Variants in GPC6 observed in about 807,000 individuals in gnomAD.
GPC6 encodes the protein glypican-6.
A neutral mutation model predicts 55.2 loss-of-function variants in GPC6; 14 were observed. The observed-to-expected ratio is 0.25, with a 90% CI of 0.17 to 0.40. GPC6 has a LOEUF of 0.40. GPC6 is among the 10% of genes least tolerant of loss of function. The probability of loss-of-function intolerance (pLI) is 1.00; values close to 1 mark genes in which losing one functional copy is unlikely to be tolerated. For synonymous variants in GPC6, 278 were observed against 259.6 expected, an observed-to-expected ratio of 1.07 and a Z score of -0.68; for missense variants, 641 against 708.5, an observed-to-expected ratio of 0.90 and a Z score of 1.08.
chr13:93,961,419 T>C (rs1431448941), intron 3 of GPC6, among the ~76,000 whole-genome samples: 3 of 152,230 alleles, frequency 2.0e-5, no homozygotes, highest in Non-Finnish European at 4.4e-5. Flanking sequence ...AATATGGCTT[T>C]ACATGAAAAA....
intron 4 of GPC6, among the ~76,000 whole-genome samples, chr13:94,225,256 A>T (rs1890510512): frequency 6.6e-6 from 1 of 152,054 alleles, no homozygotes; most frequent in African/African-American, 2.4e-5. Context: ...ACATCATCTT[A>T]TGTCTTCTTA....
chr13:94,285,009 A>AT (rs945476082), intron 4 of GPC6, among the ~76,000 whole-genome samples: 2 of 152,136 alleles, frequency 1.3e-5, no homozygotes, highest in Non-Finnish European at 2.9e-5. Flanking sequence ...TTTATTTCAT[A>AT]TTTTTATTTA....
chr13:94,083,507 C>T (rs1001622682), intron 4 of GPC6, among the ~76,000 whole-genome samples: 1 of 152,146 alleles, frequency 6.6e-6, no homozygotes, highest in African/African-American at 2.4e-5. Flanking sequence ...CATAAAAATG[C>T]AAGTTTCATA....
intron 3 of GPC6, among the ~76,000 whole-genome samples, chr13:94,003,992 A>G (rs1881915414): frequency 6.6e-6 from 1 of 152,248 alleles, no homozygotes; most frequent in African/African-American, 2.4e-5. Context: ...AGATACAGGC[A>G]AATTAATGAA....
intron 6 of GPC6, among the ~76,000 whole-genome samples, chr13:94,368,237 C>T (rs1594211872): frequency 6.6e-6 from 1 of 150,480 alleles, no homozygotes; most frequent in East Asian, 2.0e-4. Context: ...TCCCTGGGAA[C>T]ATATGATAGA....
rs535757122 is a variant in GPC6, at chr13:93,750,437, G to A, written c.320-79717G>A. On this transcript the variant is annotated intron_variant, in intron 2 of 8. Transcript: ENST00000377047. ...CTATTCATACCAAAAAATAAAAGTG[G>A]CATCATACCCTAAGACTAACTTCTT... Among the ~76,000 whole-genome samples the A allele has an allele frequency of 6.6e-5, 10 of 152,178 alleles. No homozygotes were observed. The South Asian group carries it at 1.9e-3, about 28-fold the overall frequency.
chr13:93,549,102 T>C (rs1423970892), intron 2 of GPC6, among the ~76,000 whole-genome samples: 5 of 152,160 alleles, frequency 3.3e-5, no homozygotes, highest in African/African-American at 1.2e-4. Flanking sequence ...ATATGCTCTG[T>C]AGCCAAGCCC....
At position 93,910,061 on chromosome 13, in the gene GPC6, TTG is replaced by T. The variant is rs113288409; in HGVS notation, c.711+79534_711+79535del. Among the ~76,000 whole-genome samples, 12 of 149,974 alleles carry T rather than the reference TTG, an allele frequency of 8.0e-5. No individual in the cohort carries two copies. The South Asian group carries it at 1.7e-3, about 21-fold the overall frequency. On this transcript the variant is annotated intron_variant, in intron 3 of 8. Transcript: ENST00000377047. Reference sequence around the variant, plus strand: ...CTCTAAGAATTTACAGCTCGTGTGTTTGTGTGTGTGTGTGTGTGTCTTTGTGG... The same window carrying T: ...CTCTAAGAATTTACAGCTCGTGTGTTTGTGTGTGTGTGTGTGTCTTTGTGG...
chr13:94,382,633 T>A, intron 7 of GPC6, 83 bp downstream of exon 7: 1 of 1,570,076 alleles, frequency 6.4e-7, no homozygotes, highest in Non-Finnish European at 8.7e-7. Context: ...TCTACAAACC[T>A]GTTTATGCAA....
chr13:94,082,159 T>G (rs7982055), intron 4 of GPC6, among the ~76,000 whole-genome samples: 101,415 of 151,890 alleles, frequency 0.67, 33,958 homozygotes, highest in Middle Eastern at 0.76. Flanking sequence ...CTTTTTAAAA[T>G]TCTCTTACAA....
At position 93,624,076 on chromosome 13, in the gene GPC6, A is replaced by G. The variant is rs1421401497; in HGVS notation, c.319+78655A>G. The stretch of plus-strand genomic sequence containing the variant: ...TTATAAGAAATACATCCTCACATGT[A>G]TATTTGCTTGTTAGTACTGGAGTAA... On this transcript the variant is annotated intron_variant, in intron 2 of 8. Transcript: ENST00000377047. 4.0e-5 allele frequency among the ~76,000 whole-genome samples: 6 copies of G among 151,066 alleles called. No homozygotes were observed. The East Asian group carries it at 1.2e-3, about 29-fold the overall frequency.
At chr13:93,340,026 C>CTTTTTTTTTTTTTTTTTTTTTTTTTTTT (rs10714044) in intron 1 of GPC6, among the ~76,000 whole-genome samples, 2 of 81,618 alleles carry the variant, frequency 2.5e-5, no homozygotes, top group Non-Finnish European at 4.3e-5. Flanking sequence ...AGTTTTCTTT[C>CTTTTTTTTTTTTTTTTTTTTTTTTTTTT]TTTTTTTTTT....
intron 3 of GPC6, among the ~76,000 whole-genome samples, chr13:93,923,486 G>GT (rs1877683564): frequency 2.6e-5 from 1 of 38,922 alleles, no homozygotes; most frequent in South Asian, 1.2e-3. Flanking sequence ...GAAAAATAAA[G>GT]CAAAAAAAAA....
At chr13:94,068,158 T>C (rs1027254549) in intron 4 of GPC6, among the ~76,000 whole-genome samples, 1 of 152,266 alleles carries the variant, frequency 6.6e-6, no homozygotes, top group East Asian at 1.9e-4. Context: ...TCCACATGGC[T>C]GGGGAGGCCT....
At chr13:94,132,108 C>A (rs1204457112) in intron 4 of GPC6, among the ~76,000 whole-genome samples, 2 of 152,024 alleles carry the variant, frequency 1.3e-5, no homozygotes, top group Non-Finnish European at 2.9e-5. Flanking sequence ...GATTCCAGAG[C>A]GCACGGAGGC....
intron 6 of GPC6, among the ~76,000 whole-genome samples, chr13:94,333,202 A>T (rs1375354954): frequency 6.6e-6 from 1 of 152,158 alleles, no homozygotes; most frequent in Non-Finnish European, 1.5e-5. Flanking sequence ...AATTTCTTCC[A>T]CTTCATTTCT....
intron 1 of GPC6, among the ~76,000 whole-genome samples, chr13:93,515,345 T>C (rs1422185415): frequency 6.6e-6 from 1 of 152,186 alleles, no homozygotes; most frequent in Non-Finnish European, 1.5e-5. Flanking sequence ...GACATTAATC[T>C]GGACTGTTAC....
At chr13:93,368,358 T>G (rs1033850563) in intron 1 of GPC6, among the ~76,000 whole-genome samples, 14 of 110,628 alleles carry the variant, frequency 1.3e-4, no homozygotes, top group Non-Finnish European at 2.4e-4. Context: ...CCTTCCTTCC[T>G]TCCTTCCTTC....
chr13:93,881,976 G>T (rs1875006921), intron 3 of GPC6, among the ~76,000 whole-genome samples: 1 of 151,906 alleles, frequency 6.6e-6, no homozygotes, highest in South Asian at 2.1e-4. Context: ...CTTAGGTACA[G>T]TTCTTTTGTC....
Sources: allele counts gnomAD v4.1 joint callset (sites outside exome capture counted in the v4.1 genomes callset), GRCh38; gene constraint gnomAD v4.1.1; transcripts MANE v1.5; gene names NCBI Gene and HGNC (gene_info 2026-07-23, HGNC 2026-07-21).